The following EPHA6 variants were observed in gnomAD, a reference collection of about 807,000 sequenced individuals.
EPHA6 encodes the protein EPH receptor A6.
Under a neutral mutation model 112.0 loss-of-function variants are expected in EPHA6, and 50 were observed. The observed-to-expected ratio is 0.45, with a 90% CI of 0.36 to 0.56. EPHA6 has a LOEUF of 0.56. EPHA6 is among the 20% of genes least tolerant of loss of function. The probability of loss-of-function intolerance (pLI) is 0.00; values close to 1 mark genes in which losing one functional copy is unlikely to be tolerated. For missense variants in EPHA6, 1,280 were observed against 1,417.4 expected (o/e 0.90, Z 1.56); for synonymous variants, 529 against 490.7 (o/e 1.08, Z -1.03).
At chr3:96,969,271 C>A (rs2042233090) in intron 2 of EPHA6, among the ~76,000 whole-genome samples, 1 of 151,642 alleles carries the variant, frequency 6.6e-6, no homozygotes, top group South Asian at 2.1e-4. Flanking sequence ...ATAATATAAC[C>A]AATTGTAATT....
chr3:96,942,903 C>T (rs917707236), intron 2 of EPHA6, among the ~76,000 whole-genome samples: 6 of 151,862 alleles, frequency 4.0e-5, no homozygotes, highest in Admixed American at 6.6e-5. Context: ...AAACTAATTT[C>T]GAGACCTAAA....
At chr3:96,908,790 A>G (rs776472533) in intron 2 of EPHA6, among the ~76,000 whole-genome samples, 2 of 151,904 alleles carry the variant, frequency 1.3e-5, no homozygotes, top group Non-Finnish European at 2.9e-5. Context: ...CTGTGTTCCT[A>G]TTAGTGTAAA....
chr3:97,736,470 A>AGAGTGTGT (rs576699039), intron 16 of EPHA6, among the ~76,000 whole-genome samples: 11 of 118,876 alleles, frequency 9.3e-5, no homozygotes, highest in South Asian at 3.2e-4. Flanking sequence ...AGAGAGAGAG[A>AGAGTGTGT]GTGTGTGTGT....
In EPHA6 at chr3:97,405,224, G is replaced by C. The variant is rs2087261248; in HGVS notation, c.1681G>C (p.Ala561Pro). Residue 561 changes from alanine to proline, a missense_variant, in exon 6 of 18, where the codon GCT becomes CCT. This residue lies in a region of EPHA6 where 878 missense variants were observed against 999.7 expected (regional missense o/e 0.88). Coordinates refer to ENST00000389672, the MANE Select transcript of EPHA6 (RefSeq NM_001080448.3). ...NSIALSWQAPAFSNGAILDYE... is the reference protein window; with the variant it reads ...NSIALSWQAPPFSNGAILDYE... ...CATTGCCCTATCATGGCAAGCACCT[G>C]CTTTTTCCAATGGAGCCATTCTGGA... 6.2e-7 allele frequency: 1 copy of C among 1,610,522 alleles called. No homozygotes were observed. The highest frequency in any genetic ancestry group is 8.5e-7 in the Non-Finnish European group (1 of 1,178,208).
chr3:97,218,266 A>C (rs964310555), intron 3 of EPHA6, among the ~76,000 whole-genome samples: 1 of 151,340 alleles, frequency 6.6e-6, no homozygotes, highest in Non-Finnish European at 1.5e-5. Context: ...GTGAGACCCT[A>C]TCTTAAAAAA....
intron 16 of EPHA6, among the ~76,000 whole-genome samples, chr3:97,740,862 T>C (rs1401071629): frequency 6.6e-6 from 1 of 152,176 alleles, no homozygotes; most frequent in Non-Finnish European, 1.5e-5. Context: ...TGTTTATCTC[T>C]ATACACCAAG....
chr3:97,331,953 A>T (rs1253843666), intron 5 of EPHA6, among the ~76,000 whole-genome samples: 1 of 152,110 alleles, frequency 6.6e-6, no homozygotes, highest in Non-Finnish European at 1.5e-5. Context: ...AGACACAACA[A>T]AAAAAGAGAA....
At chr3:97,463,621 G>C (rs1469748223) in intron 7 of EPHA6, among the ~76,000 whole-genome samples, 1 of 152,058 alleles carries the variant, frequency 6.6e-6, no homozygotes, top group African/African-American at 2.4e-5. Context: ...GCCTCAAGCA[G>C]CTTTTTCAAC....
At chr3:96,983,246 T>C (rs997676270) in intron 2 of EPHA6, among the ~76,000 whole-genome samples, 1 of 152,190 alleles carries the variant, frequency 6.6e-6, no homozygotes, top group Non-Finnish European at 1.5e-5. Flanking sequence ...AGGGCAGGCC[T>C]GCTGGTGACA....
rs572461305 is a variant in EPHA6 at position 97,420,473 on chromosome 3, T to C, written c.1731+15199T>C. ...CAAACTAGAAAAAACTTCATACATATATTATTTACTAAATATGACTAAAAA... is the reference window on the plus strand; with the variant it reads ...CAAACTAGAAAAAACTTCATACATACATTATTTACTAAATATGACTAAAAA... On this transcript the variant is annotated intron_variant, in intron 6 of 17. Transcript: ENST00000389672. Among the ~76,000 whole-genome samples the C allele has an allele frequency of 2.6e-5, 4 of 152,168 alleles. No individual in the cohort carries two copies. In the South Asian group the frequency reaches 6.2e-4, roughly 24 times the overall value.
intron 2 of EPHA6, among the ~76,000 whole-genome samples, chr3:96,957,210 A>G (rs954961863): frequency 6.6e-6 from 1 of 152,140 alleles, no homozygotes; most frequent in Non-Finnish European, 1.5e-5. Context: ...GATAAGAGTA[A>G]TGGCATTAGT....
At chr3:96,945,733 A>C (rs1446389743) in intron 2 of EPHA6, among the ~76,000 whole-genome samples, 1 of 152,180 alleles carries the variant, frequency 6.6e-6, no homozygotes, top group East Asian at 1.9e-4. Flanking sequence ...AATACCAATA[A>C]AATTAGTAGA....
At position 97,092,212 on chromosome 3, in the gene EPHA6, T is replaced by A. The variant is rs1369020707; in HGVS notation, c.1114+104219T>A. ...TGATTTTACAAATTCTTACCATATT[T>A]ACTCTTTCTTTTATTTAACAGTGTG... On this transcript the variant is annotated intron_variant, in intron 3 of 17. Coordinates refer to ENST00000389672, the MANE Select transcript of EPHA6 (RefSeq NM_001080448.3). Among the ~76,000 whole-genome samples the A allele has an allele frequency of 2.0e-5, 3 of 152,100 alleles. No homozygotes were observed. In the East Asian group the frequency reaches 5.8e-4, roughly 29 times the overall value.
chr3:97,014,727 C>A (rs113056584), intron 3 of EPHA6, among the ~76,000 whole-genome samples: 6 of 152,110 alleles, frequency 3.9e-5, no homozygotes, highest in African/African-American at 1.4e-4. Flanking sequence ...TGGAATGTTT[C>A]TTTAAATGAA....
chr3:97,019,657 G>C (rs1198558247), intron 3 of EPHA6, among the ~76,000 whole-genome samples: 1 of 151,812 alleles, frequency 6.6e-6, no homozygotes, highest in East Asian at 1.9e-4. Context: ...CTTTTTCTTA[G>C]TTGTTTCACC....
chr3:97,522,944 G>C (rs1325800472), intron 10 of EPHA6, among the ~76,000 whole-genome samples: 4 of 151,852 alleles, frequency 2.6e-5, no homozygotes, highest in African/African-American at 9.7e-5. Flanking sequence ...GTCTGGTCTG[G>C]CAAAGGGTTT....
At chr3:97,467,988 T>C (rs557757193) in intron 7 of EPHA6, among the ~76,000 whole-genome samples, 40 of 151,692 alleles carry the variant, frequency 2.6e-4, no homozygotes, top group Non-Finnish European at 5.3e-4. Context: ...CATTTGGCAT[T>C]TTTACCTGAC....
intron 2 of EPHA6, among the ~76,000 whole-genome samples, chr3:96,949,506 A>T (rs972321732): frequency 6.6e-6 from 1 of 152,100 alleles, no homozygotes; most frequent in Non-Finnish European, 1.5e-5. Context: ...TGAGATTTTT[A>T]TAAAAAGTAT....
At chr3:97,094,360 T>C (rs1455978205) in intron 3 of EPHA6, among the ~76,000 whole-genome samples, 1 of 152,138 alleles carries the variant, frequency 6.6e-6, no homozygotes, top group Non-Finnish European at 1.5e-5. Flanking sequence ...AATATTCTGG[T>C]CACGATATCA....
Sources: allele counts gnomAD v4.1 joint callset (sites outside exome capture counted in the v4.1 genomes callset), GRCh38; gene constraint gnomAD v4.1.1; regional missense constraint gnomAD v4.1.1; transcripts MANE v1.5; gene names NCBI Gene and HGNC (gene_info 2026-07-23, HGNC 2026-07-21).